The following KMT2C variants were observed in gnomAD, a reference collection of about 807,000 sequenced individuals.
KMT2C encodes the protein histone-lysine N-methyltransferase 2C.
Under a neutral mutation model 507.9 loss-of-function variants are expected in KMT2C, and 88 were observed. The observed-to-expected ratio is 0.17, with a 90% CI of 0.15 to 0.21. The LOEUF (loss-of-function observed/expected upper bound fraction) is 0.21. Among genes scored for constraint, KMT2C ranks in the 10% least tolerant of loss-of-function variants. The pLI is 1.00. For missense variants in KMT2C, 4,954 were observed against 5,957.8 expected, an observed-to-expected ratio of 0.83 and a Z score of 5.55; for synonymous variants, 2,049 against 2,080.8, an observed-to-expected ratio of 0.98 and a Z score of 0.42.
chr7:152,286,618 G>A (rs1231359630), intron 6 of KMT2C, among the ~76,000 whole-genome samples: 4 of 152,072 alleles, frequency 2.6e-5, no homozygotes, highest in African/African-American at 7.2e-5. Flanking sequence ...CAGACAAAAT[G>A]CAGAAAATGT....
rs1391673169 is a variant in KMT2C at position 152,148,535 on chromosome 7, G to A, written c.13392C>T (p.Phe4464=). 1 of 1,614,242 alleles carries A rather than the reference G, an allele frequency of 6.2e-7. No homozygotes were observed. The highest frequency in any genetic ancestry group is 8.5e-7 in the Non-Finnish European group (1 of 1,180,042). ...CACTAGTGGCACCCGTCTTGTGACA[G>A]AAGACACATTTCATTTGTAGGCCTC... ...LRRGLQMKCV[F]CHKTGATSGC... is the part of the protein sequence containing the mutation. The change falls in exon 52 of 59, where the codon TTC becomes TTT. Residue 4464 remains phenylalanine, a synonymous_variant. Coordinates refer to ENST00000262189, the MANE Select transcript of KMT2C (RefSeq NM_170606.3). The surrounding 1 kb of genome is among the most constrained non-coding windows in gnomAD (Gnocchi z 7.1).
chr7:152,209,238 C>T (rs1424466007), intron 23 of KMT2C, among the ~76,000 whole-genome samples: 2 of 151,356 alleles, frequency 1.3e-5, no homozygotes, highest in Non-Finnish European at 2.9e-5. Context: ...GGGCAGATCA[C>T]GAGGTCAGGA....
chr7:152,187,603 A>C, intron 32 of KMT2C, 112 bp downstream of exon 32: 1 of 1,446,700 alleles, frequency 6.9e-7, no homozygotes, highest in Non-Finnish European at 9.4e-7. Context: ...AAAAGCCACA[A>C]TAAACGCAAC....
At chr7:152,355,459 A>G (rs1057318045) in intron 2 of KMT2C, among the ~76,000 whole-genome samples, 8 of 152,192 alleles carry the variant, frequency 5.3e-5, no homozygotes, top group Non-Finnish European at 1.2e-4. Flanking sequence ...ACAAAAATAG[A>G]TAATAAGCCA....
Position 152,148,969 on chromosome 7 carries a change from C to T in KMT2C, c.12958G>A (p.Ala4320Thr). Residue 4320 changes from alanine to threonine, a missense_variant, in exon 52 of 59, where the codon GCC becomes ACC. Ala to Thr is a moderately conservative substitution (Grantham distance 58, BLOSUM62 0). This residue lies in a region of KMT2C where 417 missense variants were observed against 461.1 expected (regional missense o/e 0.90). Coordinates refer to ENST00000262189, the MANE Select transcript of KMT2C (RefSeq NM_170606.3). The surrounding 1 kb of genome is among the most constrained non-coding windows in gnomAD (Gnocchi z 7.1). ...GTCACCTTCAGCTCATCTGGCTTGGCCTCGACTTGGGCTGCTTCAAAAGCA... is the reference window on the plus strand; with the variant it reads ...GTCACCTTCAGCTCATCTGGCTTGGTCTCGACTTGGGCTGCTTCAAAAGCA... ...PPAFEAAQVE[A>T]KPDELKVTVK... The T allele has an allele frequency of 6.3e-7, 1 of 1,595,730 alleles. No individual in the cohort carries two copies. Among genetic ancestry groups the T allele is most frequent in the Non-Finnish European group, 8.5e-7 (1 of 1,171,254 alleles).
At chr7:152,340,892 C>T (rs1563923122) in intron 2 of KMT2C, among the ~76,000 whole-genome samples, 1 of 151,964 alleles carries the variant, frequency 6.6e-6, no homozygotes, top group Non-Finnish European at 1.5e-5. Flanking sequence ...GGATAGACTG[C>T]TAATAAATGA....
At chr7:152,341,281 T>C (rs2096988868) in intron 2 of KMT2C, among the ~76,000 whole-genome samples, 2 of 152,200 alleles carry the variant, frequency 1.3e-5, no homozygotes, top group African/African-American at 4.8e-5. Context: ...TGAAATATGT[T>C]TGCTTTTTAA....
At chr7:152,277,074 A>T (rs2096094972) in intron 6 of KMT2C, among the ~76,000 whole-genome samples, 1 of 152,168 alleles carries the variant, frequency 6.6e-6, no homozygotes, top group Non-Finnish European at 1.5e-5. Context: ...AAACAGAATG[A>T]ACAAAATTTG....
At chr7:152,209,345 T>A (rs1292516316) in intron 23 of KMT2C, among the ~76,000 whole-genome samples, 3 of 150,034 alleles carry the variant, frequency 2.0e-5, no homozygotes, top group African/African-American at 7.4e-5. Context: ...TAGTCCCAGC[T>A]ACGTGGGAGG....
chr7:152,301,697 A>C (rs1232111781), intron 6 of KMT2C, among the ~76,000 whole-genome samples: 2 of 152,168 alleles, frequency 1.3e-5, no homozygotes, highest in Non-Finnish European at 2.9e-5. Context: ...AAACAGAAGT[A>C]GAAGCAAACA....
chr7:152,328,184 T>C (rs559163688), intron 3 of KMT2C, among the ~76,000 whole-genome samples: 16 of 152,246 alleles, frequency 1.1e-4, no homozygotes, highest in Non-Finnish European at 2.2e-4. Flanking sequence ...CTGTTTTCTT[T>C]TCCATCCTAC....
chr7:152,259,446 G>GCGCGCACACA (rs1188729137), intron 9 of KMT2C, among the ~76,000 whole-genome samples: 75 of 134,786 alleles, frequency 5.6e-4, no homozygotes, highest in African/African-American at 2.1e-3. Flanking sequence ...ACACACACGC[G>GCGCGCACACA]CACACACACA....
At chr7:152,228,736 A>C (rs1169094650) in intron 18 of KMT2C, among the ~76,000 whole-genome samples, 1 of 152,226 alleles carries the variant, frequency 6.6e-6, no homozygotes, top group African/African-American at 2.4e-5. Flanking sequence ...CTAAAAAACA[A>C]AATCTAATGA....
intron 23 of KMT2C, among the ~76,000 whole-genome samples, chr7:152,214,677 T>C (rs954748143): frequency 6.6e-6 from 1 of 152,276 alleles, no homozygotes; most frequent in Non-Finnish European, 1.5e-5. Flanking sequence ...GAGGAAAGTA[T>C]ACTAAATAAA....
chr7:152,288,181 A>C (rs2096340905), intron 6 of KMT2C, among the ~76,000 whole-genome samples: 1 of 151,484 alleles, frequency 6.6e-6, no homozygotes, highest in Non-Finnish European at 1.5e-5. Context: ...TGAACAACAA[A>C]ATGGGAGAGA....
At chr7:152,260,343 A>T (rs1020110827) in intron 9 of KMT2C, among the ~76,000 whole-genome samples, 3 of 152,210 alleles carry the variant, frequency 2.0e-5, no homozygotes, top group Non-Finnish European at 4.4e-5. Flanking sequence ...ACAAGCTGAG[A>T]AAGACACCCA....
chr7:152,356,060 C>T (rs75915621), intron 2 of KMT2C, among the ~76,000 whole-genome samples: 2 of 152,118 alleles, frequency 1.3e-5, no homozygotes, highest in Non-Finnish European at 2.9e-5. Flanking sequence ...TGGCTTTATC[C>T]GCAGTCTTTA....
rs1302566991 is a variant in KMT2C, at chr7:152,291,949, T to C, written c.849+18017A>G. 2.6e-5 allele frequency among the ~76,000 whole-genome samples: 4 copies of C among 152,188 alleles called. No individual in the cohort carries two copies. In the South Asian group the frequency reaches 6.2e-4, roughly 24 times the overall value. On this transcript the variant is annotated intron_variant, in intron 6 of 58. Coordinates refer to ENST00000262189, the MANE Select transcript of KMT2C (RefSeq NM_170606.3). ...CCTTGCTTGGCTAACAAATAAGCCA[T>C]TGAAAAACTTACTTTAATTATAGCC...
At chr7:152,137,509 T>C (rs10248540) in intron 58 of KMT2C, 17,305 of 152,424 alleles carry the variant, frequency 0.11, 2,272 homozygotes, top group African/African-American at 0.31. Flanking sequence ...AGAGAGCCGA[T>C]GCTGCAAAAT....
Sources: gnomAD v4.1 joint callset for allele counts (sites outside exome capture counted in the v4.1 genomes callset) on GRCh38, gnomAD v4.1.1 for gene constraint, gnomAD v4.1.1 regional missense constraint, Gnocchi (gnomAD v3.1) non-coding constraint, MANE v1.5 for transcripts, NCBI Gene and HGNC (gene_info 2026-07-23, HGNC 2026-07-21) for gene names.